The following KIF13B variants were observed in gnomAD, a reference collection of about 807,000 sequenced individuals.
KIF13B encodes the protein kinesin family member 13B, also known as kinesin-like protein KIF13B.
Under a neutral mutation model 222.0 loss-of-function variants are expected in KIF13B, and 127 were observed. The ratio of observed to expected loss-of-function variants is 0.57; its 90% CI spans 0.50 to 0.66. The LOEUF (loss-of-function observed/expected upper bound fraction) is 0.66. Among genes scored for constraint, KIF13B ranks in the 30% least tolerant of loss-of-function variants. The probability of loss-of-function intolerance (pLI) is 0.00; values close to 1 mark genes in which losing one functional copy is unlikely to be tolerated. For synonymous variants in KIF13B, 976 were observed against 919.0 expected (o/e 1.06, Z -1.12); for missense variants, 2,173 against 2,379.0 (o/e 0.91, Z 1.80).
intron 2 of KIF13B, among the ~76,000 whole-genome samples, chr8:29,211,143 C>T (rs1351203344): frequency 1.3e-5 from 2 of 152,228 alleles, no homozygotes; most frequent in African/African-American, 4.8e-5. Context: ...GGGTCACCTT[C>T]CTCTCGTCTG....
At chr8:29,135,409 G>A (rs1033572112) in intron 21 of KIF13B, among the ~76,000 whole-genome samples, 8 of 152,116 alleles carry the variant, frequency 5.3e-5, no homozygotes, top group African/African-American at 1.7e-4. Context: ...CTCCAACTAC[G>A]AAGAAAATGA....
chr8:29,114,680 G>A (rs138278021), intron 31 of KIF13B, among the ~76,000 whole-genome samples: 2 of 152,108 alleles, frequency 1.3e-5, no homozygotes, highest in South Asian at 2.1e-4. Context: ...GAAATTGAGA[G>A]AGAAAATGGC....
chr8:29,132,667 G>A (rs142703797), intron 22 of KIF13B, among the ~76,000 whole-genome samples: 181 of 152,152 alleles, frequency 1.2e-3, no homozygotes, highest in African/African-American at 2.9e-3. Context: ...AGTATAAATC[G>A]GAATTTTTTT....
At chr8:29,160,961 T>C in intron 12 of KIF13B, 94 bp from the exon 13 acceptor site, 1 of 1,051,900 alleles carries the variant, frequency 9.5e-7, no homozygotes, top group Non-Finnish European at 1.4e-6. Flanking sequence ...TATTCAATAG[T>C]GTTGTAATTC....
chr8:29,152,713 G>C (rs1447817474), intron 14 of KIF13B, among the ~76,000 whole-genome samples: 1 of 152,048 alleles, frequency 6.6e-6, no homozygotes, highest in East Asian at 1.9e-4. Context: ...CCAGGTTCAG[G>C]CGATGCTCCT....
chr8:29,159,404 C>T (rs1342705779), intron 13 of KIF13B, among the ~76,000 whole-genome samples: 2 of 152,162 alleles, frequency 1.3e-5, no homozygotes, highest in African/African-American at 2.4e-5. Flanking sequence ...CCCGCCTCAG[C>T]CTCCCAAAGT....
chr8:29,104,915 T>C (rs1400089710), intron 35 of KIF13B, among the ~76,000 whole-genome samples: 2 of 151,278 alleles, frequency 1.3e-5, no homozygotes, highest in South Asian at 2.1e-4. Context: ...CGGCTAATTT[T>C]CTGTATTTTT....
At position 29,226,972 on chromosome 8, in the gene KIF13B, G is replaced by T. The variant is rs143922267; in HGVS notation, c.149+18374C>A. Among the ~76,000 whole-genome samples, 529 of 152,204 alleles carry T rather than the reference G, an allele frequency of 3.5e-3. 7 individuals carry two copies. The highest frequency in any genetic ancestry group is 0.012 in the African/African-American group (505 of 41,530). On this transcript the variant is annotated intron_variant, in intron 2 of 39. Coordinates refer to ENST00000524189, the MANE Select transcript of KIF13B (RefSeq NM_015254.4). ...AAAATTGCAACCTCAGGCATAAATG[G>T]GTTAATACTCACCCCTAAGACAGGC...
At position 29,071,892 on chromosome 8, in the gene KIF13B, C is replaced by T. The variant is rs13263056; in HGVS notation, c.4946G>A (p.Arg1649Gln). The T allele has an allele frequency of 2.0e-6, 3 of 1,486,770 alleles. No individual in the cohort carries two copies. The highest frequency in any genetic ancestry group is 2.7e-6 in the Non-Finnish European group (3 of 1,130,138). 92.1% of individuals were successfully genotyped at this position (1,486,770 alleles called of 1,614,324 possible). Residue 1649 changes from arginine to glutamine, a missense_variant, in exon 39 of 40, where the codon CGG (arginine) becomes CAG (glutamine). Transcript: ENST00000524189. The surrounding 1 kb of genome is among the most constrained non-coding windows in gnomAD (Gnocchi z 4.9). ...APAPGSPFRV[R>Q]RVRASELRSF... is the part of the protein sequence containing the mutation. Reference sequence around the variant, plus strand: ...GCGCAACTCCGAGGCCCGCACCCTCCGGACGCGGAACGGGGAGCCGGGCGC... The same window carrying T: ...GCGCAACTCCGAGGCCCGCACCCTCTGGACGCGGAACGGGGAGCCGGGCGC...
chr8:29,083,180 T>G (rs183337622), intron 37 of KIF13B, among the ~76,000 whole-genome samples: 1 of 151,836 alleles, frequency 6.6e-6, no homozygotes. Flanking sequence ...CGCTAAGAAA[T>G]AAGAAATGGC....
chr8:29,176,307 C>T (rs763913563), intron 9 of KIF13B, 128 bp from the exon 10 acceptor site: 5 of 623,262 alleles, frequency 8.0e-6, no homozygotes, highest in East Asian at 2.8e-5. Flanking sequence ...AGCATTTTGC[C>T]GCTCAGTTCA....
At chr8:29,215,213 G>A (rs912221013) in intron 2 of KIF13B, among the ~76,000 whole-genome samples, 4 of 152,042 alleles carry the variant, frequency 2.6e-5, no homozygotes, top group African/African-American at 9.7e-5. Flanking sequence ...TGGTATGTGG[G>A]GAAGGGGAGG....
chr8:29,177,789 A>G (rs1015981554), intron 8 of KIF13B, among the ~76,000 whole-genome samples: 3 of 152,124 alleles, frequency 2.0e-5, no homozygotes, highest in African/African-American at 4.8e-5. Flanking sequence ...GTGTGCCTGT[A>G]GTCCCAGCTA....
Position 29,221,097 on chromosome 8 carries a change from C to CTTTT in KIF13B, c.149+24245_149+24248dup, listed in dbSNP as rs60915605. ...AGCTGAGGCTGCAGTGAGCTGTGTT[C>CTTTT]TTTTTTTTTTTTTTTTTTTTTTTGA... On this transcript the variant is annotated intron_variant, in intron 2 of 39. Coordinates refer to ENST00000524189, the MANE Select transcript of KIF13B (RefSeq NM_015254.4). Among the ~76,000 whole-genome samples, 167 of 112,712 alleles carry CTTTT rather than the reference C, an allele frequency of 1.5e-3. 7 individuals are homozygous for CTTTT. The highest frequency in any genetic ancestry group is 3.8e-3 in the African/African-American group (98 of 25,884). The allele number at this position is 112,712 out of a possible 152,430, so 73.9% of individuals were successfully genotyped here. A position where few individuals can be genotyped will look rare whatever the true frequency, so the allele number is the denominator to read the frequency against.
intron 2 of KIF13B, among the ~76,000 whole-genome samples, chr8:29,222,515 CTTTTTTTTTTTTTTTTTTTTTT>C (rs58488862): frequency 0.021 from 1,284 of 60,550 alleles, 17 homozygotes; most frequent in African/African-American, 0.091. Context: ...CCACACCTGA[CTTTTTTTTTTTTTTTTTTTTTT>C]TTTTTTTTTT....
chr8:29,232,091 C>T (rs998995330), intron 2 of KIF13B, among the ~76,000 whole-genome samples: 2 of 151,230 alleles, frequency 1.3e-5, no homozygotes, highest in Non-Finnish European at 3.0e-5. Context: ...CCCATCTCTA[C>T]AAAAAACACA....
chr8:29,256,733 G>T (rs557596990), intron 1 of KIF13B, among the ~76,000 whole-genome samples: 1 of 150,940 alleles, frequency 6.6e-6, no homozygotes, highest in Non-Finnish European at 1.5e-5. Context: ...ACATAGAAAT[G>T]CTACAATTAC....
In KIF13B at chr8:29,103,027, G is replaced by A. The variant is rs574810287; in HGVS notation, c.4216-3786C>T. On this transcript the variant is annotated intron_variant, in intron 35 of 39. Coordinates refer to ENST00000524189, the MANE Select transcript of KIF13B (RefSeq NM_015254.4). Reference sequence around the variant, plus strand: ...GGAAGCCAAGGCAGGCAGATCACGAGGTCAGGAGATCGAGACCATCCTGGC... The same window carrying A: ...GGAAGCCAAGGCAGGCAGATCACGAAGTCAGGAGATCGAGACCATCCTGGC... 4.1e-4 allele frequency among the ~76,000 whole-genome samples: 63 copies of A among 152,214 alleles called. No individual in the cohort carries two copies. In the South Asian group the frequency reaches 0.013, roughly 32 times the overall value.
chr8:29,099,977 T>C (rs1808716704), intron 35 of KIF13B, among the ~76,000 whole-genome samples: 1 of 152,208 alleles, frequency 6.6e-6, no homozygotes, highest in Admixed American at 6.5e-5. Context: ...AGGGTGTCTC[T>C]TCTCTCTACT....
Sources: allele counts gnomAD v4.1 joint callset (sites outside exome capture counted in the v4.1 genomes callset), GRCh38; gene constraint gnomAD v4.1.1; non-coding constraint Gnocchi (gnomAD v3.1); transcripts MANE v1.5; gene names NCBI Gene and HGNC (gene_info 2026-07-23, HGNC 2026-07-21).